Variants in PCDH15 observed in about 807,000 individuals in gnomAD.
PCDH15 encodes protocadherin related 15.
A neutral mutation model predicts 178.5 loss-of-function variants in PCDH15; 129 were observed. That is an observed-to-expected ratio of 0.72 (90% CI 0.63 to 0.84). PCDH15 has a LOEUF of 0.84. PCDH15 is among the 40% of genes least tolerant of loss of function. PCDH15 has a pLI of 0.00. For synonymous variants in PCDH15, 800 were observed against 732.0 expected (o/e 1.09, Z -1.50); for missense variants, 2,230 against 2,099.9 (o/e 1.06, Z -1.21).
chr10:54,179,513 T>G (rs1226898619), intron 13 of PCDH15, among the ~76,000 whole-genome samples: 1 of 151,968 alleles, frequency 6.6e-6, no homozygotes, highest in Non-Finnish European at 1.5e-5. Context: ...GGCACATGTA[T>G]ACATATGTAA....
chr10:55,035,848 G>C (rs1200822765), intron 2 of PCDH15, among the ~76,000 whole-genome samples: 1 of 152,116 alleles, frequency 6.6e-6, no homozygotes, highest in Non-Finnish European at 1.5e-5. Flanking sequence ...GGTAGCCAGA[G>C]TGTGAATGTC....
intron 1 of PCDH15, among the ~76,000 whole-genome samples, chr10:55,260,840 T>C (rs957341546): frequency 1.3e-5 from 2 of 152,196 alleles, no homozygotes; most frequent in Non-Finnish European, 2.9e-5. Flanking sequence ...CAAAACTTAA[T>C]GTGAAATGTG....
chr10:55,290,805 G>T (rs927594142), intron 1 of PCDH15, among the ~76,000 whole-genome samples: 1 of 151,820 alleles, frequency 6.6e-6, no homozygotes, highest in African/African-American at 2.4e-5. Flanking sequence ...CAAATAATGG[G>T]AAATAAAATT....
chr10:54,497,676 T>C lies in PCDH15; in HGVS notation c.157+30136A>G, dbSNP rs2080259635. On this transcript the variant is annotated intron_variant, in intron 3 of 37. Coordinates refer to ENST00000644397, the MANE Select transcript of PCDH15 (RefSeq NM_001384140.1). ...GGAAACAATAATAAAGCATTAATAA[T>C]AGAATGGACCAAGCTGAGGAAAGAA... Among the ~76,000 whole-genome samples the C allele has an allele frequency of 3.9e-5, 6 of 152,028 alleles. 1 individual carries two copies. In the South Asian group the frequency reaches 1.0e-3, roughly 26 times the overall value.
At chr10:54,049,977 G>A (rs982261568) in intron 18 of PCDH15, among the ~76,000 whole-genome samples, 1 of 152,108 alleles carries the variant, frequency 6.6e-6, no homozygotes, top group Non-Finnish European at 1.5e-5. Flanking sequence ...GTATTTTGTT[G>A]AAGATTTTTA....
At chr10:54,135,030 C>T (rs1416139168) in intron 14 of PCDH15, among the ~76,000 whole-genome samples, 1 of 150,956 alleles carries the variant, frequency 6.6e-6, no homozygotes, top group Admixed American at 6.6e-5. Context: ...ATGGAGAAAC[C>T]CCATCTCGAC....
intron 3 of PCDH15, among the ~76,000 whole-genome samples, chr10:54,457,115 T>C (rs1285265244): frequency 6.6e-6 from 1 of 152,086 alleles, no homozygotes; most frequent in East Asian, 1.9e-4. Context: ...AGTAGTGTAG[T>C]ATAAATCAGC....
At chr10:55,074,176 C>A (rs1030412266) in intron 2 of PCDH15, among the ~76,000 whole-genome samples, 1 of 152,084 alleles carries the variant, frequency 6.6e-6, no homozygotes, top group African/African-American at 2.4e-5. Context: ...TGAACATACA[C>A]GTGCACGTAT....
At position 53,831,034 on chromosome 10, in the gene PCDH15, A is replaced by G. The variant is rs1233364116; in HGVS notation, c.4202+281T>C. On this transcript the variant is annotated intron_variant, in intron 30 of 37. Transcript: ENST00000644397. The stretch of plus-strand genomic sequence containing the variant: ...TCTCCCAAGTTGGCTCTTAAACAAA[A>G]GAAGAGCATAAACAAAGCCACAGGA... 7 of 614,130 alleles carry G rather than the reference A, an allele frequency of 1.1e-5. No individual in the cohort carries two copies. The Admixed American group carries it at 1.3e-4, about 11-fold the overall frequency. 38.0% of individuals were successfully genotyped at this position (614,130 alleles called of 1,614,324 possible). A position where few individuals can be genotyped will look rare whatever the true frequency, so the allele number is the denominator to read the frequency against.
intron 2 of PCDH15, among the ~76,000 whole-genome samples, chr10:55,403,535 A>AT (rs988788644): frequency 3.3e-5 from 5 of 151,602 alleles, no homozygotes; most frequent in African/African-American, 9.7e-5. Flanking sequence ...ATTTGAGTTG[A>AT]TTTTTTATAT....
chr10:55,150,008 C>G lies in PCDH15; in HGVS notation c.-80+16568G>C, dbSNP rs186136752. ...TGGTGGGGGAGGGAGACAGAGACAG[C>G]GAGAGTGAGCAGAGAGAGAGAGATA... On this transcript the variant is annotated intron_variant, in intron 2 of 5. Coordinates refer to the PCDH15 transcript ENST00000458638. Among the ~76,000 whole-genome samples the G allele has an allele frequency of 1.5e-5, 2 of 137,434 alleles. 1 individual carries two copies. The highest frequency in any genetic ancestry group is 4.7e-4 in the South Asian group (2 of 4,276). 90.2% of individuals were successfully genotyped at this position (137,434 alleles called of 152,430 possible). A position where few individuals can be genotyped will look rare whatever the true frequency, so the allele number is the denominator to read the frequency against.
chr10:54,014,264 A>G (rs1717158867), intron 20 of PCDH15, among the ~76,000 whole-genome samples: 1 of 152,156 alleles, frequency 6.6e-6, no homozygotes, highest in African/African-American at 2.4e-5. Context: ...TTTGAAATTG[A>G]ATCAGTAAAT....
intron 1 of PCDH15, among the ~76,000 whole-genome samples, chr10:55,244,296 G>A (rs1219320137): frequency 3.3e-5 from 5 of 151,592 alleles, no homozygotes; most frequent in Non-Finnish European, 7.4e-5. Flanking sequence ...TTTTTTAGTA[G>A]AGTGAAATAT....
intron 18 of PCDH15, among the ~76,000 whole-genome samples, chr10:54,033,652 C>T (rs1380412957): frequency 6.6e-6 from 1 of 151,976 alleles, no homozygotes; most frequent in Non-Finnish European, 1.5e-5. Flanking sequence ...ATACCATCTC[C>T]ATGAATTGCA....
rs1939051659 is a variant in PCDH15 at position 54,329,765 on chromosome 10, C to A, written c.595-59G>T. Reference sequence around the variant, plus strand: ...TTGAATGTAAGATGAATTAATAACTCAATATTTTGGATTAATCCTCTTGGA... The same window carrying A: ...TTGAATGTAAGATGAATTAATAACTAAATATTTTGGATTAATCCTCTTGGA... On this transcript the variant is annotated intron_variant, in intron 6 of 37. Transcript: ENST00000644397. 2.6e-6 allele frequency: 3 copies of A among 1,136,100 alleles called. No individual in the cohort carries two copies. In the East Asian group the frequency reaches 7.1e-5, roughly 27 times the overall value. 70.4% of individuals were successfully genotyped at this position (1,136,100 alleles called of 1,614,324 possible). A position where few individuals can be genotyped will look rare whatever the true frequency, so the allele number is the denominator to read the frequency against.
chr10:55,435,155 C>T (rs1163666526), intron 2 of PCDH15, among the ~76,000 whole-genome samples: 4 of 151,918 alleles, frequency 2.6e-5, no homozygotes, highest in East Asian at 1.9e-4. Flanking sequence ...AAGAATAATG[C>T]TTTTGTGGGG....
At chr10:54,332,910 G>C (rs1465041032) in intron 6 of PCDH15, among the ~76,000 whole-genome samples, 4 of 151,824 alleles carry the variant, frequency 2.6e-5, no homozygotes, top group Admixed American at 2.0e-4. Context: ...TAGATTCTTA[G>C]ATTTTAATTT....
At chr10:54,591,153 C>T (rs2091862833) in intron 2 of PCDH15, among the ~76,000 whole-genome samples, 1 of 152,072 alleles carries the variant, frequency 6.6e-6, no homozygotes, top group African/African-American at 2.4e-5. Flanking sequence ...AAATAATGCC[C>T]TGTTATATGT....
chr10:54,966,907 T>C (rs187922199), intron 2 of PCDH15, among the ~76,000 whole-genome samples: 30 of 152,184 alleles, frequency 2.0e-4, no homozygotes, highest in Non-Finnish European at 3.4e-4. Flanking sequence ...AATGAACTAA[T>C]ACAGTAAGTA....
Sources: allele counts gnomAD v4.1 joint callset (sites outside exome capture counted in the v4.1 genomes callset), GRCh38; gene constraint gnomAD v4.1.1; transcripts MANE v1.5; gene names NCBI Gene and HGNC (gene_info 2026-07-23, HGNC 2026-07-21).